CEP128: variants seen among roughly 807,000 people sequenced by gnomAD.
The protein encoded by CEP128 is centrosomal protein 128kDa.
CEP128 carries 132 observed loss-of-function variants against 156.7 expected under a neutral mutation model. The ratio of observed to expected loss-of-function variants is 0.84; its 90% CI spans 0.73 to 0.97. CEP128 has a LOEUF of 0.97. CEP128 is among the 50% of genes least tolerant of loss of function. The pLI, the probability that CEP128 is intolerant of heterozygous loss-of-function variation, is 0.00. For synonymous variants in CEP128, 469 were observed against 448.9 expected (o/e 1.04, Z -0.57); for missense variants, 1,252 against 1,281.9 (o/e 0.98, Z 0.36).
At chr14:80,792,229 TGTGATCCCATAACACTGCTCAGTCA>T (rs1166012504) in intron 14 of CEP128, among the ~76,000 whole-genome samples, 2 of 152,226 alleles carry the variant, frequency 1.3e-5, no homozygotes, top group Admixed American at 1.3e-4. Context: ...TGAAGAGGGT[TGTGATCCCATAACACTGCTCAGTCA>T]GTGAGATCCT....
intron 9 of CEP128, among the ~76,000 whole-genome samples, chr14:80,853,832 T>C (rs1887016403): frequency 6.6e-6 from 1 of 151,982 alleles, no homozygotes; most frequent in Admixed American, 6.6e-5. Context: ...AGAGGTCAGA[T>C]AGATATTGTA....
intron 22 of CEP128, among the ~76,000 whole-genome samples, chr14:80,528,405 C>T (rs1889077451): frequency 6.6e-6 from 1 of 152,250 alleles, no homozygotes; most frequent in African/African-American, 2.4e-5. Flanking sequence ...TCTCCTGCCC[C>T]AGCCTCCTGA....
Position 80,497,600 on chromosome 14 carries a change from A to C in CEP128, c.3182-18T>G. 6 of 1,564,030 alleles carry C rather than the reference A, an allele frequency of 3.8e-6. No homozygotes were observed. The highest frequency in any genetic ancestry group is 4.4e-6 in the Non-Finnish European group (5 of 1,138,354). ...GGTAAATGCTGGCAAGGTAAGAAGA[A>C]AAAGAAAAATAAACCTAGGTGAATA... On this transcript the variant is annotated intron_variant, in intron 24 of 24. Coordinates refer to ENST00000555265, the MANE Select transcript of CEP128 (RefSeq NM_152446.5).
chr14:80,949,120 C>T (rs896954683), intron 2 of CEP128, among the ~76,000 whole-genome samples: 8 of 152,078 alleles, frequency 5.3e-5, no homozygotes, highest in African/African-American at 1.7e-4. Flanking sequence ...GCAAGATATA[C>T]GAAGCAATGC....
rs553637185 is a variant in CEP128, at chr14:80,538,325, A to G, written c.2881-7439T>C. On this transcript the variant is annotated intron_variant, in intron 21 of 24. Coordinates refer to ENST00000555265, the MANE Select transcript of CEP128 (RefSeq NM_152446.5). ...TCTAACATTTAGAAATGCATTTACTATTCTACAAACATCATCTAAGATGTT... is the reference window on the plus strand; with the variant it reads ...TCTAACATTTAGAAATGCATTTACTGTTCTACAAACATCATCTAAGATGTT... Among the ~76,000 whole-genome samples, 6 of 152,332 alleles carry G rather than the reference A, an allele frequency of 3.9e-5. No individual in the cohort carries two copies. In the South Asian group the frequency reaches 8.3e-4, roughly 21 times the overall value.
Position 80,691,827 on chromosome 14 carries a change from A to C in CEP128, c.2806+51248T>G, listed in dbSNP as rs374946991. ...TAAGTATCTTATATTTATTACTGAG[A>C]TATATTAAAATTGTAAAGTGTTCCA... On this transcript the variant is annotated intron_variant, in intron 19 of 24. Transcript: ENST00000555265. Among the ~76,000 whole-genome samples the C allele has an allele frequency of 2.6e-5, 4 of 152,236 alleles. No homozygotes were observed. In the East Asian group the frequency reaches 7.7e-4, roughly 29 times the overall value.
chr14:80,660,124 C>T (rs1194137863), intron 19 of CEP128, among the ~76,000 whole-genome samples: 2 of 152,128 alleles, frequency 1.3e-5, no homozygotes, highest in East Asian at 3.8e-4. Flanking sequence ...GTTATACCAT[C>T]ATAAGTTTAT....
chr14:80,498,388 G>C (rs779276197), intron 24 of CEP128, among the ~76,000 whole-genome samples: 1 of 152,082 alleles, frequency 6.6e-6, no homozygotes, highest in Non-Finnish European at 1.5e-5. Flanking sequence ...ATCAAATTAC[G>C]TCATTCTCCT....
rs1555360875 is a variant in CEP128 at position 80,895,794 on chromosome 14, G to GCAA, written c.573-5_573-4insTTG. On this transcript the variant is annotated splice_region_variant and splice_polypyrimidine_tract_variant and intron_variant, in intron 7 of 24. Transcript: ENST00000555265. Reference sequence around the variant, plus strand: ...CCTTTTTGTTTCGGCATCTGACCTAGGAAGAAAAAAAAAAAAAAGATTTAA... The same window carrying GCAA: ...CCTTTTTGTTTCGGCATCTGACCTAGCAAGAAGAAAAAAAAAAAAAAGATTTAA... 4 of 1,285,744 alleles carry GCAA rather than the reference G, an allele frequency of 3.1e-6. No homozygotes were observed. Among genetic ancestry groups the GCAA allele is most frequent in the South Asian group, 1.9e-5 (1 of 53,994 alleles). The allele number at this position is 1,285,744 out of a possible 1,614,324, so 79.6% of individuals were successfully genotyped here. A position where few individuals can be genotyped will look rare whatever the true frequency, so the allele number is the denominator to read the frequency against.
In CEP128 at chr14:80,868,760, A is replaced by G. The variant is rs1295211011; in HGVS notation, c.646-5887T>C. 1.3e-5 allele frequency among the ~76,000 whole-genome samples: 2 copies of G among 152,112 alleles called. 1 individual carries two copies. The highest frequency in any genetic ancestry group is 4.8e-5 in the African/African-American group (2 of 41,458). ...GTATGCTGCCTAAAGAGACTCATAAATAGACTTTAGAGATACAAATAGACC... is the reference window on the plus strand; with the variant it reads ...GTATGCTGCCTAAAGAGACTCATAAGTAGACTTTAGAGATACAAATAGACC... On this transcript the variant is annotated intron_variant, in intron 8 of 24. Transcript: ENST00000555265.
chr14:80,588,478 T>C (rs1453818947), intron 19 of CEP128, among the ~76,000 whole-genome samples: 1 of 152,092 alleles, frequency 6.6e-6, no homozygotes, highest in African/African-American at 2.4e-5. Context: ...AAGTAAATGA[T>C]TAGAGATAGT....
intron 8 of CEP128, among the ~76,000 whole-genome samples, chr14:80,885,705 C>T (rs1483876817): frequency 6.6e-6 from 1 of 152,094 alleles, no homozygotes; most frequent in East Asian, 1.9e-4. Flanking sequence ...ATTCCAAAAA[C>T]CAGAATGACT....
In CEP128 at chr14:80,940,675, C is replaced by CA. The variant is rs1272963126; in HGVS notation, c.-172+905dup. ...GCCTGGGCGACAGAGCCAGACTCCT[C>CA]AAAAAAAAAAAAGTAAAAATCTCAA... On this transcript the variant is annotated intron_variant, in intron 1 of 24. Transcript: ENST00000555265. Among the ~76,000 whole-genome samples, 61 of 59,326 alleles carry CA rather than the reference C, an allele frequency of 1.0e-3. No individual in the cohort carries two copies. In the East Asian group the frequency reaches 0.011, roughly 10 times the overall value. The allele number at this position is 59,326 out of a possible 152,430, so 38.9% of individuals were successfully genotyped here. A position where few individuals can be genotyped will look rare whatever the true frequency, so the allele number is the denominator to read the frequency against.
At chr14:80,751,022 T>A (rs141347583) in intron 18 of CEP128, among the ~76,000 whole-genome samples, 101 of 152,236 alleles carry the variant, frequency 6.6e-4, no homozygotes, top group African/African-American at 2.4e-3. Flanking sequence ...GAAGGTCACA[T>A]AAGCACACAA....
At position 80,743,130 on chromosome 14, in the gene CEP128, A is replaced by C; in HGVS notation, c.2751T>G (p.Phe917Leu). The C allele has an allele frequency of 6.2e-7, 1 of 1,613,874 alleles. No homozygotes were observed. Residue 917 changes from phenylalanine to leucine, a missense_variant, in exon 19 of 25, where the codon TTT (phenylalanine) becomes TTG (leucine). Physicochemically the swap from Phe to Leu is conservative, Grantham distance 22. Transcript: ENST00000555265. ...GCTGCTCCTGCCTTTCTATCTGTTG[A>C]AAGAGACACTGCAACTCAGATTCCT... ...ENKESELQCL[F>L]QQIERQEQLL...
intron 14 of CEP128, among the ~76,000 whole-genome samples, chr14:80,482,167 C>G (rs1397292688): frequency 2.6e-5 from 4 of 152,212 alleles, no homozygotes; most frequent in African/African-American, 9.6e-5. Flanking sequence ...ACCCAAACAA[C>G]TATAACAGCA....
At chr14:80,798,378 G>A (rs79294124) in intron 13 of CEP128, among the ~76,000 whole-genome samples, 1 of 152,216 alleles carries the variant, frequency 6.6e-6, no homozygotes, top group Non-Finnish European at 1.5e-5. Context: ...ACGAAGTGAA[G>A]TCCAGTGGAA....
chr14:80,851,679 T>C (rs890578444), intron 9 of CEP128, among the ~76,000 whole-genome samples: 5 of 152,102 alleles, frequency 3.3e-5, no homozygotes, highest in Admixed American at 6.6e-5. Flanking sequence ...AAAAACACTT[T>C]AAAATATTCC....
chr14:80,636,924 T>C (rs1342901535), intron 19 of CEP128, among the ~76,000 whole-genome samples: 1 of 151,848 alleles, frequency 6.6e-6, no homozygotes, highest in Non-Finnish European at 1.5e-5. Flanking sequence ...CTGTCTCTAC[T>C]AAAAATACAA....
Sources: allele counts gnomAD v4.1 joint callset (sites outside exome capture counted in the v4.1 genomes callset), GRCh38; gene constraint gnomAD v4.1.1; transcripts MANE v1.5; gene names NCBI Gene and HGNC (gene_info 2026-07-23, HGNC 2026-07-21).